Variants in CLIC5 observed in about 807,000 individuals in gnomAD.
CLIC5 encodes the protein CLIC family member 5, also known as chloride intracellular channel protein 5.
Under a neutral mutation model 24.7 loss-of-function variants are expected in CLIC5, and 20 were observed. That is an observed-to-expected ratio of 0.81 (90% CI 0.57 to 1.18). The LOEUF (loss-of-function observed/expected upper bound fraction) is 1.18, where lower values mean the gene tolerates loss of function less well. CLIC5 is among the 50% of genes most tolerant of loss of function. CLIC5 has a pLI of 0.00. For synonymous variants in CLIC5, 159 were observed against 135.6 expected, an observed-to-expected ratio of 1.17 and a Z score of -1.20; for missense variants, 341 against 326.1, an observed-to-expected ratio of 1.05 and a Z score of -0.35.
At chr6:45,903,421 T>C (rs1040578422) in intron 5 of CLIC5, among the ~76,000 whole-genome samples, 166 bp from the exon 6 acceptor site, 1 of 152,246 alleles carries the variant, frequency 6.6e-6, no homozygotes, top group East Asian at 1.9e-4. Context: ...GTCTTCTTTT[T>C]GTTTTGTTTT....
At chr6:46,105,075 GC>G in the CLIC5 span, among the ~76,000 whole-genome samples, 135 of 152,252 alleles carry the variant, frequency 8.9e-4, no homozygotes, top group African/African-American at 3.2e-3. Flanking sequence ...GGCATATGGG[GC>G]TTTTGGGCAT....
Position 46,079,066 on chromosome 6 carries a change from C to T in CLIC5, c.540+637G>A, listed in dbSNP as rs1762850323. On this transcript the variant is annotated intron_variant, in intron 1 of 5. Coordinates refer to the CLIC5 transcript ENST00000185206. Reference sequence around the variant, plus strand: ...AGATGATTTGTTTAGGTCTGAAACACTTTACATTTTGATAATATTTATAAC... The same window carrying T: ...AGATGATTTGTTTAGGTCTGAAACATTTTACATTTTGATAATATTTATAAC... 2.0e-5 allele frequency among the ~76,000 whole-genome samples: 3 copies of T among 152,166 alleles called. No homozygotes were observed. The South Asian group carries it at 6.2e-4, about 31-fold the overall frequency.
At chr6:46,016,429 G>A (rs1767011165), upstream of CLIC5, among the ~76,000 whole-genome samples, 1 of 152,186 alleles carries the variant, frequency 6.6e-6, no homozygotes, top group African/African-American at 2.4e-5. Flanking sequence ...GGCAGGGCAG[G>A]GCAGGGGTGG....
At chr6:45,959,139 G>T (rs1228791259) in intron 1 of CLIC5, among the ~76,000 whole-genome samples, 2 of 152,106 alleles carry the variant, frequency 1.3e-5, no homozygotes, top group African/African-American at 2.4e-5. Flanking sequence ...ATAACTTCCT[G>T]CAATTTTGTA....
rs9463164 is a variant in CLIC5, at chr6:45,998,153, A to G, written c.63+17327T>C. Reference sequence around the variant, plus strand: ...GAATGGCTTGGCTAACTCACCTGGTATGCAAAATTGGTTTGGAAATGAGCT... The same window carrying G: ...GAATGGCTTGGCTAACTCACCTGGTGTGCAAAATTGGTTTGGAAATGAGCT... On this transcript the variant is annotated intron_variant, in intron 1 of 5. Transcript: ENST00000339561. Among the ~76,000 whole-genome samples the G allele has an allele frequency of 5.0e-3, 764 of 152,342 alleles. 5 individuals are homozygous for G. The highest frequency in any genetic ancestry group is 0.018 in the African/African-American group (735 of 41,572).
intron 1 of CLIC5, among the ~76,000 whole-genome samples, chr6:46,078,114 C>G (rs561559893): frequency 6.6e-6 from 1 of 152,288 alleles, no homozygotes; most frequent in South Asian, 2.1e-4. Flanking sequence ...AATCCCAGCA[C>G]TCTGGGAGGT....
At chr6:46,116,649 TG>T in the CLIC5 span, among the ~76,000 whole-genome samples, 239 of 152,350 alleles carry the variant, frequency 1.6e-3, 4 homozygotes, top group African/African-American at 5.4e-3. Flanking sequence ...GGCCAAGCTC[TG>T]GGGGAATGTA....
At chr6:45,922,020 A>G (rs1265152039) in intron 4 of CLIC5, among the ~76,000 whole-genome samples, 1 of 152,236 alleles carries the variant, frequency 6.6e-6, no homozygotes, top group African/African-American at 2.4e-5. Context: ...GCAGAAAGAC[A>G]AACAGCGGTT....
intron 4 of CLIC5, among the ~76,000 whole-genome samples, chr6:45,937,202 A>G (rs903460913): frequency 1.3e-5 from 2 of 152,192 alleles, no homozygotes; most frequent in Middle Eastern, 3.2e-3. Context: ...GATTTGGAAG[A>G]GCTAACTGAG....
At chr6:45,924,093 A>C (rs539325335) in intron 4 of CLIC5, among the ~76,000 whole-genome samples, 1 of 152,256 alleles carries the variant, frequency 6.6e-6, no homozygotes, top group Non-Finnish European at 1.5e-5. Flanking sequence ...GAAACAAAGC[A>C]TACAAAAAAA....
intron 1 of CLIC5, among the ~76,000 whole-genome samples, chr6:45,960,083 C>T (rs1764796425): frequency 1.3e-5 from 2 of 152,078 alleles, no homozygotes; most frequent in South Asian, 2.1e-4. Context: ...TCTTAAAACC[C>T]CTGAAAGCCT....
chr6:45,919,078 G>A (rs1484951879), intron 4 of CLIC5: 31 of 985,238 alleles, frequency 3.1e-5, no homozygotes, highest in Non-Finnish European at 3.6e-5. Flanking sequence ...TCTGGGTGGT[G>A]GAAAAACAAC....
intron 1 of CLIC5, among the ~76,000 whole-genome samples, chr6:46,064,897 A>G (rs1019118413): frequency 6.6e-6 from 1 of 152,176 alleles, no homozygotes; most frequent in African/African-American, 2.4e-5. Context: ...GATAGCACAC[A>G]AAAAACACAA....
intron 1 of CLIC5, among the ~76,000 whole-genome samples, chr6:45,983,730 A>G (rs1216553928): frequency 6.6e-6 from 1 of 152,164 alleles, no homozygotes; most frequent in Non-Finnish European, 1.5e-5. Flanking sequence ...CAATCACCAA[A>G]TATTTCCTCA....
chr6:45,958,740 C>G (rs2127391292), intron 1 of CLIC5, among the ~76,000 whole-genome samples: 1 of 151,806 alleles, frequency 6.6e-6, no homozygotes, highest in African/African-American at 2.4e-5. Context: ...TGTGAGCTCT[C>G]TCCATATATG....
chr6:46,090,081 GACA>G, the CLIC5 span, among the ~76,000 whole-genome samples: 3 of 152,034 alleles, frequency 2.0e-5, no homozygotes, highest in African/African-American at 7.3e-5. Flanking sequence ...ACTTAAAAAC[GACA>G]ACAAAAAACG....
exon 1 of CLIC5, chr6:46,080,255 G>T: frequency 1.3e-6 from 2 of 1,545,676 alleles, no homozygotes; most frequent in Non-Finnish European, 1.7e-6. Context: ...TTATTGATCC[G>T]AGAGATCTGT....
intron 1 of CLIC5, among the ~76,000 whole-genome samples, chr6:45,961,929 A>G (rs1191112447): frequency 1.3e-5 from 2 of 152,132 alleles, no homozygotes; most frequent in Non-Finnish European, 2.9e-5. Flanking sequence ...AATTAGCTCT[A>G]TGTAGACCAC....
At chr6:45,960,568 T>G (rs1303574463) in intron 1 of CLIC5, among the ~76,000 whole-genome samples, 1 of 152,184 alleles carries the variant, frequency 6.6e-6, no homozygotes, top group Admixed American at 6.5e-5. Context: ...AGGCTCAGCA[T>G]GCAACCCCCC....
Sources: gnomAD v4.1 joint callset for allele counts (sites outside exome capture counted in the v4.1 genomes callset) on GRCh38, gnomAD v4.1.1 for gene constraint, MANE v1.5 for transcripts, NCBI Gene and HGNC (gene_info 2026-07-23, HGNC 2026-07-21) for gene names.